NALCN: variants seen among roughly 807,000 people sequenced by gnomAD.
NALCN encodes sodium leak channel NALCN.
A neutral mutation model predicts 225.3 loss-of-function variants in NALCN; 111 were observed. The observed-to-expected ratio is 0.49, with a 90% CI of 0.42 to 0.58. NALCN has a LOEUF of 0.58. Among genes scored for constraint, NALCN ranks in the 20% least tolerant of loss-of-function variants. NALCN has a pLI of 0.00. For missense variants in NALCN, 1,378 were observed against 2,202.4 expected, an observed-to-expected ratio of 0.63 and a Z score of 7.49; for synonymous variants, 764 against 769.0, an observed-to-expected ratio of 0.99 and a Z score of 0.11.
rs1281352262 is a variant in NALCN at position 101,104,446 on chromosome 13, G to C, written c.2758-20C>G. ...AGCAATCTGAAACGGGCAAAAGGCA[G>C]TTTGGTTACAATGAACGGAAAAACA... On this transcript the variant is annotated intron_variant, in intron 24 of 43. Transcript: ENST00000251127. This position sits in a 1 kb window ranked among gnomAD's most constrained non-coding sequence, Gnocchi z 4.2. 8.7e-6 allele frequency: 14 copies of C among 1,612,448 alleles called. No individual in the cohort carries two copies. The South Asian group carries it at 1.4e-4, about 16-fold the overall frequency.
At chr13:101,293,536 A>G (rs1022418299) in intron 7 of NALCN, among the ~76,000 whole-genome samples, 1 of 152,212 alleles carries the variant, frequency 6.6e-6, no homozygotes, top group African/African-American at 2.4e-5. Context: ...AGAATATAAA[A>G]CCAATCTCCA....
intron 10 of NALCN, among the ~76,000 whole-genome samples, chr13:101,275,133 G>A (rs189875726): frequency 3.3e-5 from 5 of 152,060 alleles, no homozygotes; most frequent in Admixed American, 6.6e-5. Context: ...ATGCCCCCAC[G>A]CAACTTCATT....
At chr13:101,267,540 G>C (rs185497258) in intron 10 of NALCN, among the ~76,000 whole-genome samples, 98 of 152,360 alleles carry the variant, frequency 6.4e-4, no homozygotes, top group Non-Finnish European at 1.3e-3. Flanking sequence ...CAAAGGTGAA[G>C]TAAGCAGAGA....
chr13:101,195,687 T>C (rs2039862138), intron 13 of NALCN, among the ~76,000 whole-genome samples: 2 of 152,218 alleles, frequency 1.3e-5, no homozygotes, highest in Non-Finnish European at 2.9e-5. Context: ...ACTTCTGCTA[T>C]GATATGTGAA....
chr13:101,167,635 G>C (rs113572847), intron 15 of NALCN, among the ~76,000 whole-genome samples: 1 of 140,004 alleles, frequency 7.1e-6, no homozygotes, highest in African/African-American at 2.5e-5. Context: ...TCAGGAGTTC[G>C]AGACCAGCCC....
In NALCN at chr13:101,256,963, C is replaced by T. The variant is rs187914189; in HGVS notation, c.1266+1480G>A. 4.9e-4 allele frequency among the ~76,000 whole-genome samples: 74 copies of T among 152,162 alleles called. 2 individuals are homozygous for T. Among genetic ancestry groups the T allele is most frequent in the African/African-American group, 1.7e-3 (71 of 41,520 alleles). ...TATTTTTAGTATAGATGGGGTTTCACCATGTTGGCCAGGCTTGTCTCGAAC... is the reference window on the plus strand; with the variant it reads ...TATTTTTAGTATAGATGGGGTTTCATCATGTTGGCCAGGCTTGTCTCGAAC... On this transcript the variant is annotated intron_variant, in intron 11 of 43. Coordinates refer to ENST00000251127, the MANE Select transcript of NALCN (RefSeq NM_052867.4).
chr13:101,205,686 C>T (rs905985407), intron 13 of NALCN, among the ~76,000 whole-genome samples: 1 of 152,050 alleles, frequency 6.6e-6, no homozygotes, highest in African/African-American at 2.4e-5. Context: ...GTACTTATGA[C>T]CTATTTCTTA....
intron 27 of NALCN, among the ~76,000 whole-genome samples, chr13:101,096,433 C>A (rs1415400797): frequency 6.6e-6 from 1 of 152,082 alleles, no homozygotes. Flanking sequence ...CATGGAGGAT[C>A]CTTGAAAATA....
chr13:101,221,776 C>T (rs1353171316), intron 13 of NALCN, among the ~76,000 whole-genome samples: 1 of 152,156 alleles, frequency 6.6e-6, no homozygotes, highest in African/African-American at 2.4e-5. Flanking sequence ...ATCATAACTC[C>T]AAATACCCGA....
chr13:101,158,114 G>A (rs2037994818), intron 15 of NALCN, among the ~76,000 whole-genome samples: 1 of 152,046 alleles, frequency 6.6e-6, no homozygotes, highest in Non-Finnish European at 1.5e-5. Context: ...TCAGAGTGGA[G>A]AGTTAGGAGC....
chr13:101,304,199 T>G (rs915935706), intron 7 of NALCN, among the ~76,000 whole-genome samples: 2 of 152,152 alleles, frequency 1.3e-5, no homozygotes, highest in Non-Finnish European at 2.9e-5. Flanking sequence ...TTAATTTTAT[T>G]TTTAATTTTA....
chr13:101,285,946 G>C (rs1430635938), intron 9 of NALCN, among the ~76,000 whole-genome samples: 4 of 152,084 alleles, frequency 2.6e-5, no homozygotes, highest in African/African-American at 9.7e-5. Flanking sequence ...TATTGACTTT[G>C]ATCAGTAGCA....
At chr13:101,334,236 C>T (rs1174437321) in intron 7 of NALCN, among the ~76,000 whole-genome samples, 2 of 152,012 alleles carry the variant, frequency 1.3e-5, no homozygotes, top group Non-Finnish European at 1.5e-5. Context: ...AACGAAGTAA[C>T]GAAGTGTCCA....
rs752912894 is a variant in NALCN at position 101,068,014 on chromosome 13, G to A, written c.4350C>T (p.Phe1450=). 5.6e-6 allele frequency: 9 copies of A among 1,606,772 alleles called. No individual in the cohort carries two copies. Among genetic ancestry groups the A allele is most frequent in the Middle Eastern group, 3.3e-4 (2 of 6,062 alleles). The part of the protein sequence containing the change: ...NLLVAIIVEN[F]SLFYSTEEDQ... ...CCTCCTCAGTGGAATAAAACAAGGA[G>A]AAATTCTCCACAATTATGGCTTTTA... Residue 1450 remains phenylalanine (F), a synonymous_variant, in exon 39 of 44, where the codon TTC becomes TTT. Coordinates refer to ENST00000251127, the MANE Select transcript of NALCN (RefSeq NM_052867.4).
chr13:101,124,481 C>G, intron 18 of NALCN, 127 bp downstream of exon 18: 1 of 827,992 alleles, frequency 1.2e-6, no homozygotes, highest in East Asian at 2.6e-5. Context: ...CATAGATACT[C>G]AAAGCTACTT....
intron 13 of NALCN, among the ~76,000 whole-genome samples, chr13:101,192,857 A>G (rs1333748): frequency 0.19 from 29,270 of 152,076 alleles, 2,964 homozygotes; most frequent in East Asian, 0.37. Flanking sequence ...GTCAATAAAT[A>G]CTTTTTAATG....
At chr13:101,136,530 C>T (rs139262547) in intron 17 of NALCN, among the ~76,000 whole-genome samples, 3,370 of 151,264 alleles carry the variant, frequency 0.022, 46 homozygotes, top group Middle Eastern at 0.071. Flanking sequence ...GTTCAGTTCC[C>T]ACCTATGAGT....
rs140966245 is a variant in NALCN at position 101,379,044 on chromosome 13, A to G, written c.292-391T>C. 1.7e-3 allele frequency among the ~76,000 whole-genome samples: 264 copies of G among 152,306 alleles called. 1 individual carries two copies. The highest frequency in any genetic ancestry group is 6.0e-3 in the African/African-American group (249 of 41,576). The stretch of plus-strand genomic sequence containing the variant: ...CAACAGGAAGGTCTTTAAAACTGCT[A>G]GGTTTAGCACCGTTAGTAGGAAAAC... On this transcript the variant is annotated intron_variant, in intron 3 of 43. Coordinates refer to ENST00000251127, the MANE Select transcript of NALCN (RefSeq NM_052867.4).
At chr13:101,346,087 C>CTCTCTCTCTCTCTCTCTATA in intron 6 of NALCN, among the ~76,000 whole-genome samples, 149 of 70,920 alleles carry the variant, frequency 2.1e-3, no homozygotes, top group Non-Finnish European at 3.0e-3. Context: ...CTCTCTCTCT[C>CTCTCTCTCTCTCTCTCTATA]TATATATATA....
Sources: allele counts gnomAD v4.1 joint callset (sites outside exome capture counted in the v4.1 genomes callset), GRCh38; gene constraint gnomAD v4.1.1; non-coding constraint Gnocchi (gnomAD v3.1); transcripts MANE v1.5; gene names NCBI Gene and HGNC (gene_info 2026-07-23, HGNC 2026-07-21).